Variants in NFXL1 observed in about 807,000 individuals in gnomAD.
NFXL1 encodes the protein NF-X1-type zinc finger protein NFXL1.
Under a neutral mutation model 123.3 loss-of-function variants are expected in NFXL1, and 66 were observed. The ratio of observed to expected loss-of-function variants is 0.54; its 90% CI spans 0.44 to 0.66. The LOEUF (loss-of-function observed/expected upper bound fraction) is 0.66, where lower values mean the gene tolerates loss of function less well. Among genes scored for constraint, NFXL1 ranks in the 30% least tolerant of loss-of-function variants. The pLI is 0.00. For missense variants in NFXL1, 944 were observed against 1,125.6 expected (o/e 0.84, Z 2.31); for synonymous variants, 346 against 360.8 (o/e 0.96, Z 0.46).
intron 18 of NFXL1, among the ~76,000 whole-genome samples, chr4:47,870,998 GGT>G (rs1197197510): frequency 1.3e-5 from 2 of 152,174 alleles, no homozygotes; most frequent in African/African-American, 4.8e-5. Context: ...TAACATACGA[GGT>G]TGGGAGAGCT....
chr4:47,903,727 G>C (rs56003020), intron 4 of NFXL1, among the ~76,000 whole-genome samples: 2 of 151,738 alleles, frequency 1.3e-5, no homozygotes, highest in East Asian at 3.9e-4. Context: ...ATTTCTTGTT[G>C]GATGATTATT....
intron 17 of NFXL1, 178 bp from the exon 18 acceptor site, chr4:47,875,471 C>A (rs569723282): frequency 2.2e-6 from 1 of 446,482 alleles, no homozygotes; most frequent in South Asian, 6.5e-5. Flanking sequence ...AACTAAAGAA[C>A]AGCAAGATTG....
chr4:47,910,741 C>T, intron 3 of NFXL1, 83 bp downstream of exon 3: 1 of 748,522 alleles, frequency 1.3e-6, no homozygotes, highest in Non-Finnish European at 2.1e-6. Flanking sequence ...AAATCTATTC[C>T]ATATAGAACA....
rs1275244237 is a variant in NFXL1 at position 47,914,290 on chromosome 4, GGT to G, written c.-3+73_-3+74del. 51 of 1,058,422 alleles carry G rather than the reference GGT, an allele frequency of 4.8e-5. No homozygotes were observed. In the African/African-American group the frequency reaches 7.7e-4, roughly 16 times the overall value. The allele number at this position is 1,058,422 out of a possible 1,614,324, so 65.6% of individuals were successfully genotyped here. A position where few individuals can be genotyped will look rare whatever the true frequency, so the allele number is the denominator to read the frequency against. ...CGAAGGAGGGTCAGTGCGGAAACCC[GGT>G]GTGAGGGGCCGAGTGAGGAAGGTTC... is the stretch of plus-strand genomic sequence containing the variant. On this transcript the variant is annotated intron_variant, in intron 1 of 22. Coordinates refer to ENST00000507489, the MANE Select transcript of NFXL1 (RefSeq NM_001278624.2).
rs1468900137 is a variant in NFXL1, at chr4:47,850,925, GTATACT to G, written c.2562+164_2562+169del. ...GATCTCATACCTTTTCAGAGTTTCA[GTATACT>G]TAAAGTCAAGTTAGTAGATGGCTCA... On this transcript the variant is annotated intron_variant, in intron 22 of 22. Coordinates refer to ENST00000507489, the MANE Select transcript of NFXL1 (RefSeq NM_001278624.2). 3 of 562,862 alleles carry G rather than the reference GTATACT, an allele frequency of 5.3e-6. No homozygotes were observed. The East Asian group carries it at 8.8e-5, about 16-fold the overall frequency. The allele number at this position is 562,862 out of a possible 1,614,324, so 34.9% of individuals were successfully genotyped here.
intron 12 of NFXL1, 109 bp from the exon 13 acceptor site, chr4:47,886,108 G>T: frequency 1.0e-6 from 1 of 967,094 alleles, no homozygotes; most frequent in Non-Finnish European, 1.6e-6. Context: ...TCTACAACAA[G>T]AATGAAGAAA....
At chr4:47,905,478 G>GT (rs992479335) in intron 3 of NFXL1, 132 bp from the exon 4 acceptor site, 47 of 453,296 alleles carry the variant, frequency 1.0e-4, no homozygotes, top group South Asian at 2.4e-4. Flanking sequence ...AAAACAAGAA[G>GT]TTTTTTTTAA....
intron 10 of NFXL1, among the ~76,000 whole-genome samples, chr4:47,895,365 C>G (rs1425298083): frequency 6.6e-6 from 1 of 152,166 alleles, no homozygotes; most frequent in Admixed American, 6.5e-5. Context: ...TGTGAAAGTC[C>G]TATATTGTAT....
intron 18 of NFXL1, among the ~76,000 whole-genome samples, chr4:47,874,782 T>G (rs996112844): frequency 6.6e-6 from 1 of 152,220 alleles, no homozygotes; most frequent in African/African-American, 2.4e-5. Flanking sequence ...AAGGTGTGCC[T>G]GTATGTACAA....
intron 2 of NFXL1, 141 bp downstream of exon 2, chr4:47,913,828 G>T (rs1015998382): frequency 2.9e-5 from 16 of 549,582 alleles, no homozygotes; most frequent in Non-Finnish European, 5.0e-5. Context: ...CCACCCGAAA[G>T]GCTGGAGAAG....
At chr4:47,875,904 T>C (rs1018762411) in intron 17 of NFXL1, among the ~76,000 whole-genome samples, 1 of 152,214 alleles carries the variant, frequency 6.6e-6, no homozygotes, top group Non-Finnish European at 1.5e-5. Context: ...CCCTTTTCTC[T>C]AGTGATTTAA....
chr4:47,910,789 T>A (rs760757637), intron 3 of NFXL1, 35 bp downstream of exon 3: 1 of 1,385,072 alleles, frequency 7.2e-7, no homozygotes, highest in Non-Finnish European at 9.8e-7. Context: ...TACAGTTTCA[T>A]TGACGTCAAA....
chr4:47,896,997 C>T (rs1369361924), intron 9 of NFXL1, among the ~76,000 whole-genome samples: 1 of 152,014 alleles, frequency 6.6e-6, no homozygotes, highest in Non-Finnish European at 1.5e-5. Context: ...TCTGAACTAC[C>T]CCACAAAGAC....
chr4:47,876,523 G>A (rs1320876447), intron 17 of NFXL1, among the ~76,000 whole-genome samples: 1 of 152,118 alleles, frequency 6.6e-6, no homozygotes, highest in African/African-American at 2.4e-5. Context: ...AGAGTGATGA[G>A]AAGTCAGATG....
chr4:47,862,591 A>G (rs1734831900), intron 19 of NFXL1, among the ~76,000 whole-genome samples: 1 of 152,196 alleles, frequency 6.6e-6, no homozygotes, highest in Non-Finnish European at 1.5e-5. Flanking sequence ...CACTAGGTCA[A>G]TACTTTATTG....
At position 47,914,356 on chromosome 4, in the gene NFXL1, T is replaced by G; in HGVS notation, c.-3+9A>C. The G allele has an allele frequency of 1.7e-6, 1 of 600,366 alleles. No homozygotes were observed. The highest frequency in any genetic ancestry group is 2.8e-6 in the Non-Finnish European group (1 of 356,454). The allele number at this position is 600,366 out of a possible 1,614,324, so 37.2% of individuals were successfully genotyped here. A position where few individuals can be genotyped will look rare whatever the true frequency, so the allele number is the denominator to read the frequency against. ...ACCGGGTTTTAGGAGGTCGCGGCCCTGCCTTTACCGGAGGGCGAGTCCCCG... is the reference window on the plus strand; with the variant it reads ...ACCGGGTTTTAGGAGGTCGCGGCCCGGCCTTTACCGGAGGGCGAGTCCCCG... On this transcript the variant is annotated intron_variant, in intron 1 of 22. Coordinates refer to ENST00000507489, the MANE Select transcript of NFXL1 (RefSeq NM_001278624.2).
chr4:47,874,892 A>C (rs1735651769), intron 18 of NFXL1, among the ~76,000 whole-genome samples: 2 of 152,260 alleles, frequency 1.3e-5, no homozygotes, highest in South Asian at 4.1e-4. Flanking sequence ...CATTTTTTTC[A>C]TAACAAAATC....
chr4:47,905,102 A>G, intron 4 of NFXL1, 135 bp downstream of exon 4: 1 of 438,950 alleles, frequency 2.3e-6, no homozygotes, highest in Non-Finnish European at 4.1e-6. Flanking sequence ...AATGAAGATC[A>G]ATTCATATAC....
In NFXL1 at chr4:47,903,688, C is replaced by G. The variant is rs375907582; in HGVS notation, c.517-365G>C. 4.6e-5 allele frequency among the ~76,000 whole-genome samples: 7 copies of G among 152,128 alleles called. No homozygotes were observed. In the South Asian group the frequency reaches 1.5e-3, roughly 32 times the overall value. On this transcript the variant is annotated intron_variant, in intron 4 of 22. Coordinates refer to ENST00000507489, the MANE Select transcript of NFXL1 (RefSeq NM_001278624.2). ...TTCTATAAGCATATTTATAGCTATA[C>G]ATTACACCATGTAGACTTACGTACT...
Sources: gnomAD v4.1 joint callset for allele counts (sites outside exome capture counted in the v4.1 genomes callset) on GRCh38, gnomAD v4.1.1 for gene constraint, MANE v1.5 for transcripts, NCBI Gene and HGNC (gene_info 2026-07-23, HGNC 2026-07-21) for gene names.